ROR1: variants seen among roughly 807,000 people sequenced by gnomAD.
ROR1 encodes ROR family WNT receptor 1.
In ROR1, 19 loss-of-function variants were observed where a neutral mutation model predicts 78.8. The ratio of observed to expected loss-of-function variants is 0.24; its 90% CI spans 0.17 to 0.35. ROR1 has a LOEUF of 0.35. Ranked by LOEUF, ROR1 falls within the 10% of genes least tolerant of loss-of-function variation. The probability of loss-of-function intolerance (pLI) is 1.00; values close to 1 mark genes in which losing one functional copy is unlikely to be tolerated. For synonymous variants in ROR1, 386 were observed against 433.6 expected (o/e 0.89, Z 1.36); for missense variants, 917 against 1,177.8 (o/e 0.78, Z 3.24).
At chr1:63,808,196 T>G (rs1055596025) in intron 1 of ROR1, among the ~76,000 whole-genome samples, 1 of 151,978 alleles carries the variant, frequency 6.6e-6, no homozygotes, top group African/African-American at 2.4e-5. Flanking sequence ...TAAACAGAGG[T>G]GATAATTGTA....
rs140158193 is a variant in ROR1 at position 64,095,234 on chromosome 1, C to T, written c.483-42135C>T. ...ACAGAAAATGTAAAATAGGAACGTTCAAAATAAATAAGCCAGGGATACTAA... is the reference window on the plus strand; with the variant it reads ...ACAGAAAATGTAAAATAGGAACGTTTAAAATAAATAAGCCAGGGATACTAA... On this transcript the variant is annotated intron_variant, in intron 4 of 8. Transcript: ENST00000371079. 253 of 152,142 alleles carry T rather than the reference C, an allele frequency of 1.7e-3. 1 individual carries two copies. Among genetic ancestry groups the T allele is most frequent in the Non-Finnish European group, 2.6e-3 (178 of 67,986 alleles). 9.4% of individuals were successfully genotyped at this position (152,142 alleles called of 1,614,324 possible).
chr1:63,869,619 G>GA (rs1645238630), intron 1 of ROR1, among the ~76,000 whole-genome samples: 1 of 152,194 alleles, frequency 6.6e-6, no homozygotes, highest in South Asian at 2.1e-4. Context: ...CCCCAGTACA[G>GA]AACTTAGCTT....
At chr1:63,875,279 GT>G (rs1239332504) in intron 1 of ROR1, among the ~76,000 whole-genome samples, 3 of 152,078 alleles carry the variant, frequency 2.0e-5, no homozygotes, top group Non-Finnish European at 4.4e-5. Flanking sequence ...AGCACTCTGT[GT>G]TAGCTTTTAT....
chr1:63,977,680 T>C (rs926006978), intron 1 of ROR1, among the ~76,000 whole-genome samples: 1 of 152,316 alleles, frequency 6.6e-6, no homozygotes, highest in East Asian at 1.9e-4. Flanking sequence ...ACCATGTGAT[T>C]GTGCCTTGCT....
At chr1:64,095,399 C>A (rs2100649348) in intron 4 of ROR1, among the ~76,000 whole-genome samples, 1 of 152,210 alleles carries the variant, frequency 6.6e-6, no homozygotes, top group African/African-American at 2.4e-5. Flanking sequence ...ACTATGTATT[C>A]ATACAGCAAA....
chr1:64,094,555 T>G (rs1480550362), intron 4 of ROR1: 1 of 141,608 alleles, frequency 7.1e-6, no homozygotes, highest in Non-Finnish European at 1.5e-5. Flanking sequence ...TGTTTGTGTG[T>G]GTGTGTTTTG....
chr1:64,001,611 G>A (rs56302575), intron 1 of ROR1, among the ~76,000 whole-genome samples: 4,590 of 152,184 alleles, frequency 0.03, 256 homozygotes, highest in African/African-American at 0.11. Flanking sequence ...TTATGGAGAC[G>A]TTTCCCTCAA....
At chr1:63,820,343 T>C (rs1452668971) in intron 1 of ROR1, among the ~76,000 whole-genome samples, 1 of 152,200 alleles carries the variant, frequency 6.6e-6, no homozygotes, top group Non-Finnish European at 1.5e-5. Context: ...CCTGTACTGC[T>C]GCAGGCCACA....
At chr1:63,803,692 C>G (rs1644809876) in intron 1 of ROR1, among the ~76,000 whole-genome samples, 1 of 152,172 alleles carries the variant, frequency 6.6e-6, no homozygotes. Flanking sequence ...CCATTGTACT[C>G]CTGGACATTT....
At chr1:63,792,725 A>C (rs1257214040) in intron 1 of ROR1, among the ~76,000 whole-genome samples, 2 of 152,256 alleles carry the variant, frequency 1.3e-5, no homozygotes, top group Non-Finnish European at 2.9e-5. Flanking sequence ...GCCAATTCTC[A>C]TTCCTTGCCT....
At chr1:64,096,330 T>C (rs1647299187) in intron 4 of ROR1, among the ~76,000 whole-genome samples, 1 of 152,132 alleles carries the variant, frequency 6.6e-6, no homozygotes, top group African/African-American at 2.4e-5. Flanking sequence ...GATTATTTCG[T>C]CAGCCAGATA....
intron 1 of ROR1, among the ~76,000 whole-genome samples, chr1:63,854,355 G>A (rs756194061): frequency 2.0e-4 from 30 of 152,158 alleles, no homozygotes; most frequent in Non-Finnish European, 4.0e-4. Flanking sequence ...CTGTGTATTA[G>A]TGAATTGAAA....
chr1:63,879,231 A>G (rs1339417629), intron 1 of ROR1, among the ~76,000 whole-genome samples: 1 of 152,206 alleles, frequency 6.6e-6, no homozygotes, highest in Non-Finnish European at 1.5e-5. Flanking sequence ...ATCTGGAGTG[A>G]TGACTTTTTC....
intron 1 of ROR1, among the ~76,000 whole-genome samples, chr1:63,817,319 A>G (rs1644898036): frequency 6.6e-6 from 1 of 152,170 alleles, no homozygotes; most frequent in Non-Finnish European, 1.5e-5. Context: ...AGGGAGAGAA[A>G]GGACTATTTT....
Position 63,774,071 on chromosome 1 carries a change from C to A in ROR1, c.-347C>A. On this transcript the variant is annotated 5_prime_UTR_variant, in exon 1 of 9. Coordinates refer to ENST00000371079, the MANE Select transcript of ROR1 (RefSeq NM_005012.4). The surrounding 1 kb of genome is among the most constrained non-coding windows in gnomAD (Gnocchi z 5.7). The stretch of plus-strand genomic sequence containing the variant: ...CTGGAGCAGCCGCCACCGCCGCCGC[C>A]GAGGGAGCCCCGGGACGGCAGCCCC... 6.1e-6 allele frequency: 1 copy of A among 165,012 alleles called. No homozygotes were observed. The highest frequency in any genetic ancestry group is 1.8e-4 in the South Asian group (1 of 5,566). The allele number at this position is 165,012 out of a possible 1,614,324, so 10.2% of individuals were successfully genotyped here.
chr1:63,872,089 C>T (rs1467823164), intron 1 of ROR1, among the ~76,000 whole-genome samples: 3 of 152,184 alleles, frequency 2.0e-5, no homozygotes, highest in Non-Finnish European at 1.5e-5. Context: ...GAAGTAGCAA[C>T]AAACAAACTG....
At chr1:64,152,732 T>A (rs1166090387) in intron 7 of ROR1, among the ~76,000 whole-genome samples, 1 of 152,248 alleles carries the variant, frequency 6.6e-6, no homozygotes, top group Non-Finnish European at 1.5e-5. Context: ...TCTAAAATTT[T>A]ATTCCATAAT....
chr1:63,939,771 G>C (rs1481843795), intron 1 of ROR1, among the ~76,000 whole-genome samples: 4 of 152,114 alleles, frequency 2.6e-5, no homozygotes, highest in African/African-American at 9.7e-5. Context: ...CTTAATGTTG[G>C]CTCCATTTCT....
chr1:63,879,034 A>C (rs1007095123), intron 1 of ROR1, among the ~76,000 whole-genome samples: 7 of 152,158 alleles, frequency 4.6e-5, no homozygotes, highest in Non-Finnish European at 8.8e-5. Flanking sequence ...ATTTAAAGGA[A>C]AATAAACTGT....
Sources: gnomAD v4.1 joint callset for allele counts (sites outside exome capture counted in the v4.1 genomes callset) on GRCh38, gnomAD v4.1.1 for gene constraint, Gnocchi (gnomAD v3.1) non-coding constraint, MANE v1.5 for transcripts, NCBI Gene and HGNC (gene_info 2026-07-23, HGNC 2026-07-21) for gene names.